Variants in OSBPL10 observed in about 807,000 individuals in gnomAD.
The protein encoded by OSBPL10 is oxysterol-binding protein-related protein 10.
In OSBPL10, 49 loss-of-function variants were observed where a neutral mutation model predicts 81.7. The ratio of observed to expected loss-of-function variants is 0.60; its 90% CI spans 0.48 to 0.76. The LOEUF (loss-of-function observed/expected upper bound fraction) is 0.76, where lower values mean the gene tolerates loss of function less well. Among genes scored for constraint, OSBPL10 ranks in the 30% least tolerant of loss-of-function variants. The pLI is 0.00. For synonymous variants in OSBPL10, 419 were observed against 383.6 expected, an observed-to-expected ratio of 1.09 and a Z score of -1.08; for missense variants, 923 against 987.8, an observed-to-expected ratio of 0.93 and a Z score of 0.88.
At chr3:31,806,975 A>T (rs1699536333) in intron 4 of OSBPL10, among the ~76,000 whole-genome samples, 1 of 152,104 alleles carries the variant, frequency 6.6e-6, no homozygotes, top group African/African-American at 2.4e-5. Flanking sequence ...ATAGCCAGGG[A>T]CCTGGTCATG....
At chr3:31,695,531 A>T (rs1317407343) in intron 7 of OSBPL10, among the ~76,000 whole-genome samples, 2 of 152,094 alleles carry the variant, frequency 1.3e-5, no homozygotes, top group Non-Finnish European at 2.9e-5. Flanking sequence ...CCTTTGATCT[A>T]TGCCAAGCAA....
At chr3:31,674,526 C>T (rs1700405779) in intron 8 of OSBPL10, among the ~76,000 whole-genome samples, 1 of 152,078 alleles carries the variant, frequency 6.6e-6, no homozygotes, top group Admixed American at 6.5e-5. Context: ...CGTCACTGCA[C>T]TCCAGCCTGG....
intron 1 of OSBPL10, among the ~76,000 whole-genome samples, chr3:32,075,562 T>C (rs1020457987): frequency 3.3e-5 from 5 of 152,186 alleles, no homozygotes; most frequent in Admixed American, 2.0e-4. Flanking sequence ...CAAATCCTCC[T>C]TCTAAGAAAC....
chr3:31,989,622 G>T (rs553818646), intron 2 of OSBPL10: 1 of 1,614,182 alleles, frequency 6.2e-7, no homozygotes, highest in African/African-American at 1.3e-5. Flanking sequence ...AAGTTGAGAA[G>T]TCTATCAACG....
chr3:31,861,889 G>A (rs2125598535), intron 3 of OSBPL10, among the ~76,000 whole-genome samples: 1 of 152,202 alleles, frequency 6.6e-6, no homozygotes, highest in East Asian at 1.9e-4. Flanking sequence ...GCCTTGAGAG[G>A]GGCAGCTGGA....
At position 31,879,703 on chromosome 3, in the gene OSBPL10, G is replaced by A. The variant is rs1269120712; in HGVS notation, c.409C>T (p.His137Tyr). The A allele has an allele frequency of 3.7e-6, 6 of 1,614,182 alleles. No individual in the cohort carries two copies. Among genetic ancestry groups the A allele is most frequent in the Middle Eastern group, 1.6e-4 (1 of 6,062 alleles). The stretch of plus-strand genomic sequence containing the variant: ...TTAGCAGAGTACACCACCAGCATGT[G>A]GGGAGCTTCATCGCTCAGGGACACT... ...AIVSLSDEAP[H>Y]MLVVYSANGE... The change falls in exon 2 of 12, where the codon CAC becomes TAC. Residue 137 changes from histidine (H) to tyrosine (Y), a missense_variant. Physicochemically the swap from His to Tyr is moderately conservative, Grantham distance 83. Around this residue, in one of 3 missense-constraint regions of OSBPL10, gnomAD observed 514 missense variants for 508.0 expected, o/e 1.01. Transcript: ENST00000396556.
intron 1 of OSBPL10, among the ~76,000 whole-genome samples, chr3:31,920,652 T>C (rs1696887406): frequency 6.6e-6 from 1 of 152,200 alleles, no homozygotes; most frequent in African/African-American, 2.4e-5. Context: ...CCAAATCTCA[T>C]GTTGGAATGT....
intron 1 of OSBPL10, among the ~76,000 whole-genome samples, chr3:31,898,006 CAAAAAAAAAAAAAAAAA>C (rs58479197): frequency 1.8e-4 from 11 of 62,480 alleles, no homozygotes; most frequent in Admixed American, 7.0e-4. Context: ...AGAACTCTGT[CAAAAAAAAAAAAAAAAA>C]AAAAAAAAAA....
At chr3:32,047,787 C>T (rs576104160) in intron 1 of OSBPL10, among the ~76,000 whole-genome samples, 6 of 151,998 alleles carry the variant, frequency 3.9e-5, no homozygotes, top group South Asian at 2.1e-4. Flanking sequence ...CTCAGCCTCC[C>T]GAGTAGCTGG....
chr3:31,743,031 G>GTT lies in OSBPL10; in HGVS notation c.940+4877_940+4878dup, dbSNP rs10715360. On this transcript the variant is annotated intron_variant, in intron 5 of 11. Transcript: ENST00000396556. ...AAGTCTTGACCGAAAAGCTAAATTAGTTTTTTTTTTTTTTTTTTTTTTTTT... is the reference window on the plus strand; with the variant it reads ...AAGTCTTGACCGAAAAGCTAAATTAGTTTTTTTTTTTTTTTTTTTTTTTTTTT... Among the ~76,000 whole-genome samples, 180 of 57,500 alleles carry GTT rather than the reference G, an allele frequency of 3.1e-3. 8 individuals carry two copies. The highest frequency in any genetic ancestry group is 0.01 in the African/African-American group (160 of 15,702). 37.7% of individuals were successfully genotyped at this position (57,500 alleles called of 152,430 possible).
intron 1 of OSBPL10, among the ~76,000 whole-genome samples, chr3:31,915,173 A>T (rs1426854590): frequency 2.6e-5 from 4 of 151,284 alleles, no homozygotes; most frequent in Admixed American, 6.6e-5. Flanking sequence ...TTTTTTTTTA[A>T]TAAATAGCCA....
intron 2 of OSBPL10, among the ~76,000 whole-genome samples, chr3:32,008,177 A>ATC (rs1699221845): frequency 7.0e-6 from 1 of 142,420 alleles, no homozygotes; most frequent in African/African-American, 2.6e-5. Context: ...TGTTTTTATC[A>ATC]TTTTTTTTTT....
chr3:31,752,958 C>T (rs1273159710), intron 4 of OSBPL10, among the ~76,000 whole-genome samples: 2 of 152,168 alleles, frequency 1.3e-5, no homozygotes, highest in Non-Finnish European at 2.9e-5. Context: ...GAGCCTCAAC[C>T]GGTGCCCCAG....
intron 4 of OSBPL10, among the ~76,000 whole-genome samples, chr3:31,756,074 G>T (rs185975826): frequency 1.3e-5 from 2 of 152,268 alleles, no homozygotes; most frequent in East Asian, 1.9e-4. Flanking sequence ...ACAACTTATC[G>T]TACGGGTCTG....
chr3:31,762,383 G>A (rs1698070511), intron 4 of OSBPL10, among the ~76,000 whole-genome samples: 1 of 152,164 alleles, frequency 6.6e-6, no homozygotes, highest in Admixed American at 6.5e-5. Context: ...GGGCTGAGAA[G>A]CGCTGGGCTG....
intron 2 of OSBPL10, among the ~76,000 whole-genome samples, chr3:32,015,851 C>T (rs1385508026): frequency 6.6e-6 from 1 of 152,198 alleles, no homozygotes; most frequent in Non-Finnish European, 1.5e-5. Flanking sequence ...AAAAAATACT[C>T]GTCATCACTG....
At chr3:31,792,870 G>C (rs1324995471) in intron 4 of OSBPL10, among the ~76,000 whole-genome samples, 2 of 57,922 alleles carry the variant, frequency 3.5e-5, no homozygotes, top group African/African-American at 9.7e-5. Flanking sequence ...CTGTGTGTGT[G>C]TGTGTGTGTG....
intron 4 of OSBPL10, among the ~76,000 whole-genome samples, chr3:31,825,243 T>C (rs996053613): frequency 3.9e-5 from 6 of 152,162 alleles, no homozygotes; most frequent in African/African-American, 9.7e-5. Flanking sequence ...CAAAGAGTGA[T>C]TGACAATGGC....
intron 3 of OSBPL10, among the ~76,000 whole-genome samples, chr3:31,875,086 A>T (rs1036453619): frequency 2.0e-5 from 3 of 150,762 alleles, no homozygotes; most frequent in Non-Finnish European, 4.4e-5. Flanking sequence ...ATTAAGTAAA[A>T]AAAAAAAAAA....
Sources: allele counts gnomAD v4.1 joint callset (sites outside exome capture counted in the v4.1 genomes callset), GRCh38; gene constraint gnomAD v4.1.1; regional missense constraint gnomAD v4.1.1; transcripts MANE v1.5; gene names NCBI Gene and HGNC (gene_info 2026-07-23, HGNC 2026-07-21).